The following CACNA2D1 variants were observed in gnomAD, a reference collection of about 807,000 sequenced individuals.
The protein encoded by CACNA2D1 is calcium voltage-gated channel auxiliary subunit alpha2delta 1.
CACNA2D1 carries 53 observed loss-of-function variants against 171.5 expected under a neutral mutation model. That is an observed-to-expected ratio of 0.31 (90% CI 0.25 to 0.39). The LOEUF is 0.39. Among genes scored for constraint, CACNA2D1 ranks in the 10% least tolerant of loss-of-function variants. CACNA2D1 has a pLI of 1.00. For synonymous variants in CACNA2D1, 442 were observed against 443.1 expected, an observed-to-expected ratio of 1.00 and a Z score of 0.03; for missense variants, 903 against 1,299.8, an observed-to-expected ratio of 0.69 and a Z score of 4.69.
chr7:82,148,874 G>A (rs1029798417), intron 4 of CACNA2D1, among the ~76,000 whole-genome samples: 4 of 151,992 alleles, frequency 2.6e-5, no homozygotes, highest in Non-Finnish European at 5.9e-5. Flanking sequence ...TGACCTCAGG[G>A]GATCCACTCA....
At chr7:82,080,787 TC>T (rs1271911830) in intron 7 of CACNA2D1, among the ~76,000 whole-genome samples, 7 of 152,216 alleles carry the variant, frequency 4.6e-5, no homozygotes, top group Non-Finnish European at 1.0e-4. Context: ...ATGTTTAGAT[TC>T]CTTCCAGAGT....
At chr7:82,105,617 G>T (rs258683) in intron 6 of CACNA2D1, among the ~76,000 whole-genome samples, 79,562 of 151,648 alleles carry the variant, frequency 0.52, 20,976 homozygotes, top group Non-Finnish European at 0.53. Flanking sequence ...TTCCACCAAC[G>T]GCCTGTATGA....
At chr7:82,430,370 A>G (rs1055048055) in intron 1 of CACNA2D1, among the ~76,000 whole-genome samples, 9 of 149,808 alleles carry the variant, frequency 6.0e-5, no homozygotes, top group African/African-American at 2.0e-4. Context: ...GTGAGCTAAG[A>G]TCAGGCAGTT....
At chr7:82,410,070 C>G (rs548404093) in intron 1 of CACNA2D1, among the ~76,000 whole-genome samples, 88 of 152,300 alleles carry the variant, frequency 5.8e-4, no homozygotes, top group Non-Finnish European at 9.3e-4. Context: ...TGGGGCCCAT[C>G]ATTGAATAAA....
chr7:82,146,448 A>G (rs960907523), intron 4 of CACNA2D1, among the ~76,000 whole-genome samples: 5 of 145,168 alleles, frequency 3.4e-5, no homozygotes, highest in South Asian at 2.1e-4. Context: ...ATTTATATAT[A>G]TAAAGATATA....
intron 11 of CACNA2D1, among the ~76,000 whole-genome samples, chr7:82,035,165 C>G (rs1055025078): frequency 5.3e-5 from 8 of 151,984 alleles, no homozygotes; most frequent in Admixed American, 1.3e-4. Context: ...TATAGCACAG[C>G]ATCTATCATA....
chr7:82,139,523 G>A (rs926560712), intron 4 of CACNA2D1, among the ~76,000 whole-genome samples: 2 of 152,002 alleles, frequency 1.3e-5, no homozygotes, highest in Non-Finnish European at 2.9e-5. Flanking sequence ...GAGGGTCCAT[G>A]GTACAATGAT....
intron 38 of CACNA2D1, among the ~76,000 whole-genome samples, chr7:81,955,980 ATTTTTTTT>A (rs1164601123): frequency 8.7e-4 from 30 of 34,552 alleles, no homozygotes; most frequent in African/African-American, 2.3e-3. Flanking sequence ...ATATATATAT[ATTTTTTTT>A]TTTTTTTTTT....
intron 3 of CACNA2D1, among the ~76,000 whole-genome samples, chr7:82,200,649 A>G (rs962995880): frequency 1.3e-5 from 2 of 151,996 alleles, no homozygotes; most frequent in African/African-American, 4.8e-5. Context: ...ATCCTTCAAT[A>G]TTTTACTCTT....
intron 7 of CACNA2D1, among the ~76,000 whole-genome samples, chr7:82,078,650 C>G (rs985597862): frequency 6.6e-6 from 1 of 152,168 alleles, no homozygotes; most frequent in African/African-American, 2.4e-5. Flanking sequence ...TTCTACTTAT[C>G]TTGCAAAACA....
At position 82,110,804 on chromosome 7, in the gene CACNA2D1, CT is replaced by C. The variant is rs552744810; in HGVS notation, c.526+6239del. 2.5e-3 allele frequency among the ~76,000 whole-genome samples: 375 copies of C among 152,306 alleles called. 1 individual carries two copies. Among genetic ancestry groups the C allele is most frequent in the Middle Eastern group, 0.014 (4 of 294 alleles). On this transcript the variant is annotated intron_variant, in intron 6 of 38. Transcript: ENST00000356860. ...GCCTTAGCCACAAGGCCTTCTCTAT[CT>C]ACCCATTATAAAATTTCACTCTTCT...
At chr7:82,060,598 T>C in intron 9 of CACNA2D1, 71 bp from the exon 10 acceptor site, 3 of 905,320 alleles carry the variant, frequency 3.3e-6, no homozygotes, top group South Asian at 2.6e-5. Flanking sequence ...TAAGGAAAGA[T>C]AATGTATGCA....
chr7:82,145,494 A>G (rs1182240994), intron 4 of CACNA2D1, among the ~76,000 whole-genome samples: 1 of 144,358 alleles, frequency 6.9e-6, no homozygotes, highest in Non-Finnish European at 1.5e-5. Context: ...CACTGTATAG[A>G]TACAGAATGT....
At chr7:82,316,642 A>T (rs1023627413) in intron 3 of CACNA2D1, among the ~76,000 whole-genome samples, 14 of 152,212 alleles carry the variant, frequency 9.2e-5, no homozygotes, top group African/African-American at 3.4e-4. Context: ...GTCTGTTCTC[A>T]TGCTCCTAAT....
At chr7:82,380,777 C>A (rs932959652) in intron 1 of CACNA2D1, among the ~76,000 whole-genome samples, 1 of 151,982 alleles carries the variant, frequency 6.6e-6, no homozygotes, top group Admixed American at 6.5e-5. Flanking sequence ...TCACTGCGAC[C>A]TCCGCCTGCC....
chr7:82,180,303 G>A (rs1796987095), intron 3 of CACNA2D1, among the ~76,000 whole-genome samples: 1 of 152,176 alleles, frequency 6.6e-6, no homozygotes, highest in African/African-American at 2.4e-5. Flanking sequence ...TTCATCAGCT[G>A]TAACACATAC....
intron 15 of CACNA2D1, among the ~76,000 whole-genome samples, chr7:82,008,279 A>G (rs1392893319): frequency 1.3e-5 from 2 of 152,146 alleles, no homozygotes; most frequent in African/African-American, 4.8e-5. Flanking sequence ...GATACTGCAT[A>G]TCTGGGATAT....
intron 6 of CACNA2D1, among the ~76,000 whole-genome samples, chr7:82,088,812 G>A (rs1810792195): frequency 6.6e-6 from 1 of 151,862 alleles, no homozygotes; most frequent in South Asian, 2.1e-4. Context: ...TTGGCACAGG[G>A]ACTGGTTTTG....
chr7:81,976,137 G>A (rs1316294348), intron 24 of CACNA2D1, among the ~76,000 whole-genome samples: 1 of 152,012 alleles, frequency 6.6e-6, no homozygotes, highest in Admixed American at 6.6e-5. Context: ...ATGCACTCAA[G>A]GGGAAAACTT....
Sources: gnomAD v4.1 joint callset for allele counts (sites outside exome capture counted in the v4.1 genomes callset) on GRCh38, gnomAD v4.1.1 for gene constraint, MANE v1.5 for transcripts, NCBI Gene and HGNC (gene_info 2026-07-23, HGNC 2026-07-21) for gene names.